Variants in MEF2A observed in about 807,000 individuals in gnomAD.
MEF2A encodes the protein myocyte-specific enhancer factor 2A.
Under a neutral mutation model 55.8 loss-of-function variants are expected in MEF2A, and 28 were observed. The observed-to-expected ratio is 0.50, with a 90% CI of 0.37 to 0.69. MEF2A has a LOEUF of 0.69. MEF2A is among the 30% of genes least tolerant of loss of function. MEF2A has a pLI of 0.00. For synonymous variants in MEF2A, 239 were observed against 227.1 expected (o/e 1.05, Z -0.47); for missense variants, 528 against 626.2 (o/e 0.84, Z 1.67).
chr15:99,577,428 G>C (rs989917151), intron 1 of MEF2A, among the ~76,000 whole-genome samples: 4 of 115,138 alleles, frequency 3.5e-5, no homozygotes, highest in African/African-American at 8.1e-5. Flanking sequence ...TTCACGGTCA[G>C]GGGGGAGTAT....
rs2057630148 is a variant in MEF2A, at chr15:99,703,248, T to G, written c.859-114T>G. ...ATCTGTTGTGTATATAATCGTCTCT[T>G]TAGAGTTCCAGACAGCTGCTAGTGT... On this transcript the variant is annotated intron_variant, in intron 8 of 11. Transcript: ENST00000557942. The G allele has an allele frequency of 4.3e-6, 4 of 928,210 alleles. 1 individual carries two copies. The South Asian group carries it at 5.6e-5, about 13-fold the overall frequency. The allele number at this position is 928,210 out of a possible 1,614,324, so 57.5% of individuals were successfully genotyped here.
intron 10 of MEF2A, among the ~76,000 whole-genome samples, chr15:99,707,150 G>A (rs757856195): frequency 5.3e-5 from 8 of 152,154 alleles, no homozygotes; most frequent in Non-Finnish European, 7.4e-5. Flanking sequence ...CAAGCCAAGA[G>A]GGGAGCAGCC....
rs369612817 is a variant in MEF2A, at chr15:99,598,931, A to G, written c.-143+420A>G. Among the ~76,000 whole-genome samples the G allele has an allele frequency of 1.4e-4, 21 of 152,298 alleles. No individual in the cohort carries two copies. In the East Asian group the frequency reaches 2.5e-3, roughly 18 times the overall value. On this transcript the variant is annotated intron_variant, in intron 2 of 11. Transcript: ENST00000557942. ...TGAAAGATGACATGCATGTCTAGCC[A>G]TATCTCATGAAGCATGGGAAAGGTC...
chr15:99,574,808 C>A (rs1286170827), intron 1 of MEF2A, among the ~76,000 whole-genome samples: 1 of 152,098 alleles, frequency 6.6e-6, no homozygotes, highest in Non-Finnish European at 1.5e-5. Context: ...GGGGTGGGGA[C>A]CTCTGGTCTA....
At chr15:99,689,245 G>A (rs1042239284) in intron 7 of MEF2A, among the ~76,000 whole-genome samples, 6 of 152,198 alleles carry the variant, frequency 3.9e-5, no homozygotes, top group South Asian at 2.1e-4. Flanking sequence ...AACAGACTCA[G>A]TAGAAGTAGA....
At chr15:99,671,874 C>T (rs1381500453) in intron 5 of MEF2A, among the ~76,000 whole-genome samples, 1 of 152,166 alleles carries the variant, frequency 6.6e-6, no homozygotes, top group African/African-American at 2.4e-5. Context: ...CATGCCGATC[C>T]AGACTTTGCT....
intron 2 of MEF2A, among the ~76,000 whole-genome samples, chr15:99,619,256 T>C (rs2040729398): frequency 6.6e-6 from 1 of 152,174 alleles, no homozygotes; most frequent in Admixed American, 6.5e-5. Context: ...GCAAGGCTGC[T>C]GCATTGCGCC....
chr15:99,574,460 T>C (rs560793791), intron 1 of MEF2A, among the ~76,000 whole-genome samples: 1 of 152,294 alleles, frequency 6.6e-6, no homozygotes, highest in East Asian at 1.9e-4. Flanking sequence ...CTCACCATAA[T>C]GTAGAATCAG....
rs530836441 is a variant in MEF2A, at chr15:99,591,943, T to C, written c.-224-6487T>C. On this transcript the variant is annotated intron_variant, in intron 1 of 11. Coordinates refer to ENST00000557942, the MANE Select transcript of MEF2A (RefSeq NM_001319206.4). ...ACCCTGTCTTGCTTCTGGGCTTCTT[T>C]CTTTTATCGGATTTCCCCCCTGGTG... Among the ~76,000 whole-genome samples the C allele has an allele frequency of 2.6e-5, 4 of 152,338 alleles. No individual in the cohort carries two copies. In the East Asian group the frequency reaches 5.8e-4, roughly 22 times the overall value.
intron 2 of MEF2A, among the ~76,000 whole-genome samples, chr15:99,602,041 A>T (rs979324711): frequency 6.6e-6 from 1 of 152,146 alleles, no homozygotes; most frequent in African/African-American, 2.4e-5. Flanking sequence ...GGTCTACGGC[A>T]ACCTCAGTTC....
chr15:99,592,756 A>T (rs558848718), intron 1 of MEF2A, among the ~76,000 whole-genome samples: 16 of 152,078 alleles, frequency 1.1e-4, no homozygotes, highest in Non-Finnish European at 1.5e-4. Flanking sequence ...CAGAGTGAGA[A>T]CTCACTACCA....
chr15:99,622,351 C>T (rs1277596978), intron 2 of MEF2A, among the ~76,000 whole-genome samples: 1 of 152,070 alleles, frequency 6.6e-6, no homozygotes, highest in Non-Finnish European at 1.5e-5. Context: ...GGGAGAAATG[C>T]CCATCTGTTT....
At chr15:99,696,595 G>A (rs1389177000) in intron 8 of MEF2A, among the ~76,000 whole-genome samples, 1 of 151,930 alleles carries the variant, frequency 6.6e-6, no homozygotes, top group African/African-American at 2.4e-5. Context: ...CCCAACTAGA[G>A]TAGTGATGAG....
chr15:99,636,000 A>G (rs1302137566), intron 3 of MEF2A, among the ~76,000 whole-genome samples: 1 of 152,116 alleles, frequency 6.6e-6, no homozygotes, highest in Non-Finnish European at 1.5e-5. Flanking sequence ...AAGTAGTTCT[A>G]CTGGTTTACA....
At chr15:99,666,051 T>G (rs1312711847) in intron 4 of MEF2A, among the ~76,000 whole-genome samples, 1 of 152,088 alleles carries the variant, frequency 6.6e-6, no homozygotes, top group Non-Finnish European at 1.5e-5. Flanking sequence ...GATCTAGAAC[T>G]AGAAATACCA....
At chr15:99,704,723 G>T (rs1402880142) in intron 9 of MEF2A, among the ~76,000 whole-genome samples, 1 of 152,198 alleles carries the variant, frequency 6.6e-6, no homozygotes, top group Admixed American at 6.5e-5. Flanking sequence ...GCCAAACTAT[G>T]TCATACTGTA....
At chr15:99,600,136 A>C (rs1209647540) in intron 2 of MEF2A, among the ~76,000 whole-genome samples, 1 of 152,086 alleles carries the variant, frequency 6.6e-6, no homozygotes, top group Non-Finnish European at 1.5e-5. Flanking sequence ...GAGCTAAAGC[A>C]CTCATGCCCT....
chr15:99,703,429 A>T, intron 9 of MEF2A, 44 bp downstream of exon 9: 1 of 1,578,090 alleles, frequency 6.3e-7, no homozygotes, highest in Non-Finnish European at 8.6e-7. Context: ...AAAGATGTAG[A>T]AAGTACTAAT....
At chr15:99,699,952 A>ATGTGTGTGTGTG (rs752346994) in intron 8 of MEF2A, among the ~76,000 whole-genome samples, 129 of 130,624 alleles carry the variant, frequency 9.9e-4, no homozygotes, top group African/African-American at 2.8e-3. Context: ...AAGAGTTTAT[A>ATGTGTGTGTGTG]TGTGTGTGTG....
Sources: allele counts gnomAD v4.1 joint callset (sites outside exome capture counted in the v4.1 genomes callset), GRCh38; gene constraint gnomAD v4.1.1; transcripts MANE v1.5; gene names NCBI Gene and HGNC (gene_info 2026-07-23, HGNC 2026-07-21).